BTBD7: variants seen among roughly 807,000 people sequenced by gnomAD.
The protein encoded by BTBD7 is BTB/POZ domain-containing protein 7.
In BTBD7, 38 loss-of-function variants were observed where a neutral mutation model predicts 99.9. That is an observed-to-expected ratio of 0.38 (90% CI 0.29 to 0.50). The LOEUF is 0.50. BTBD7 is among the 20% of genes least tolerant of loss of function. BTBD7 has a pLI of 0.93. For synonymous variants in BTBD7, 520 were observed against 511.4 expected (o/e 1.02, Z -0.23); for missense variants, 1,170 against 1,394.6 (o/e 0.84, Z 2.57).
chr14:93,304,674 T>C (rs12885232), intron 1 of BTBD7, among the ~76,000 whole-genome samples: 25,300 of 152,172 alleles, frequency 0.17, 2,351 homozygotes, highest in East Asian at 0.31. Context: ...TAAAGAGGAC[T>C]TGCAGAGAGA....
intron 1 of BTBD7, among the ~76,000 whole-genome samples, chr14:93,311,753 T>G (rs945998322): frequency 6.6e-6 from 1 of 151,794 alleles, no homozygotes; most frequent in Non-Finnish European, 1.5e-5. Context: ...TAATTTTTTT[T>G]TTTTTTTACA....
Position 93,294,134 on chromosome 14 carries a change from T to C in BTBD7, c.886A>G (p.Ile296Val). The C allele has an allele frequency of 6.2e-7, 1 of 1,614,184 alleles. No homozygotes were observed. Residue 296 changes from isoleucine to valine, a missense_variant, in exon 3 of 11, where the codon ATA becomes GTA. Physicochemically the swap from Ile to Val is conservative, Grantham distance 29. Coordinates refer to ENST00000334746, the MANE Select transcript of BTBD7 (RefSeq NM_001002860.4). ...TCTGTGATTTCTTCACCAGTTCGTA[T>C]CCTCCTTTGTAATAAATTTCGAAAA... ...PFFRNLLQRR[I>V]RTGEEITDRT...
rs781110720 is a variant in BTBD7, at chr14:93,294,044, T to C, written c.976A>G (p.Thr326Ala). ...GTATACATACAGTGTAATATCACTG[T>C]TGCATATTTTTTTGGTATAATGGAC... is the stretch of plus-strand genomic sequence containing the variant. ...DESIIPKKYA[T>A]VILHCMYTDV... Residue 326 changes from threonine (T) to alanine (A), a missense_variant, in exon 3 of 11, where the codon ACA becomes GCA. Transcript: ENST00000334746. 1.9e-6 allele frequency: 3 copies of C among 1,613,924 alleles called. No homozygotes were observed. Among genetic ancestry groups the C allele is most frequent in the East Asian group, 2.2e-5 (1 of 44,898 alleles).
At chr14:93,292,959 C>A (rs1023976095) in intron 3 of BTBD7, among the ~76,000 whole-genome samples, 4 of 152,134 alleles carry the variant, frequency 2.6e-5, no homozygotes, top group Non-Finnish European at 4.4e-5. Context: ...TTACCCAAAC[C>A]ATTAATATTT....
chr14:93,254,855 C>T lies in BTBD7; in HGVS notation c.1609-1065G>A, dbSNP rs551344274. On this transcript the variant is annotated intron_variant, in intron 6 of 10. Transcript: ENST00000334746. ...TTAGCAAACCTTTGTTGGGGACTTA[C>T]GATGTGTTAGGCACGGAGTTAAGAG... 7.2e-5 allele frequency among the ~76,000 whole-genome samples: 11 copies of T among 152,278 alleles called. No homozygotes were observed. The East Asian group carries it at 2.1e-3, about 29-fold the overall frequency.
chr14:93,261,526 T>C, intron 5 of BTBD7, 76 bp downstream of exon 5: 1 of 1,108,890 alleles, frequency 9.0e-7, no homozygotes, highest in Non-Finnish European at 1.4e-6. Flanking sequence ...AAGACTGATG[T>C]GCGGCATGCA....
intron 1 of BTBD7, among the ~76,000 whole-genome samples, chr14:93,319,704 T>G (rs2053248433): frequency 6.6e-6 from 1 of 152,114 alleles, no homozygotes; most frequent in Admixed American, 6.5e-5. Flanking sequence ...TTAAGCAAAA[T>G]GAGTAAGCTC....
chr14:93,283,731 T>C lies in BTBD7; in HGVS notation c.1162+10127A>G, dbSNP rs184261014. On this transcript the variant is annotated intron_variant, in intron 3 of 10. Coordinates refer to ENST00000334746, the MANE Select transcript of BTBD7 (RefSeq NM_001002860.4). Reference sequence around the variant, plus strand: ...CATGCCCGGCTGATTTTTGTATTTTTAGTAGAGATGGGGTTTCACTATGTT... The same window carrying C: ...CATGCCCGGCTGATTTTTGTATTTTCAGTAGAGATGGGGTTTCACTATGTT... 1.7e-3 allele frequency among the ~76,000 whole-genome samples: 260 copies of C among 152,314 alleles called. 1 individual carries two copies. Among genetic ancestry groups the C allele is most frequent in the Non-Finnish European group, 2.7e-3 (182 of 68,030 alleles).
rs375048606 is a variant in BTBD7, at chr14:93,242,800, G to C, written c.2872C>G (p.Pro958Ala). 27 of 1,614,098 alleles carry C rather than the reference G, an allele frequency of 1.7e-5. No individual in the cohort carries two copies. Among genetic ancestry groups the C allele is most frequent in the Admixed American group, 6.7e-5 (4 of 60,012 alleles). Reference sequence around the variant, plus strand: ...GAAGGGGTGCGTCTGCTGAGAGCAGGAGTAGAAGGTCTGCAAGCAGCATTT... The same window carrying C: ...GAAGGGGTGCGTCTGCTGAGAGCAGCAGTAGAAGGTCTGCAAGCAGCATTT... The part of the protein sequence containing the change: ...FSNAACRPST[P>A]ALSRRTPSPS... The change falls in exon 11 of 11, where the codon CCT becomes GCT. Residue 958 changes from proline to alanine, a missense_variant. Transcript: ENST00000334746.
chr14:93,269,025 C>A (rs1163642277), intron 3 of BTBD7, among the ~76,000 whole-genome samples: 1 of 152,148 alleles, frequency 6.6e-6, no homozygotes, highest in African/African-American at 2.4e-5. Flanking sequence ...ACCCAAAGTG[C>A]TAGGATTACA....
intron 1 of BTBD7, among the ~76,000 whole-genome samples, chr14:93,311,738 A>AT (rs968938604): frequency 1.5e-5 from 2 of 132,978 alleles, no homozygotes; most frequent in African/African-American, 6.2e-5. Flanking sequence ...CCATGAAAAT[A>AT]TTTTTAATTT....
chr14:93,323,049 T>C (rs1299110230), intron 1 of BTBD7, among the ~76,000 whole-genome samples: 2 of 152,032 alleles, frequency 1.3e-5, no homozygotes, highest in African/African-American at 4.8e-5. Flanking sequence ...CTTGAGCCTA[T>C]GAGTTTGAGG....
chr14:93,267,592 C>G (rs2052555928), intron 3 of BTBD7, among the ~76,000 whole-genome samples: 1 of 152,206 alleles, frequency 6.6e-6, no homozygotes, highest in Admixed American at 6.5e-5. Context: ...GAGCTGACTC[C>G]CAGTCACACC....
At position 93,242,359 on chromosome 14, in the gene BTBD7, T is replaced by C. The variant is rs1440567327; in HGVS notation, c.3313A>G (p.Thr1105Ala). The C allele has an allele frequency of 6.2e-7, 1 of 1,614,078 alleles. No individual in the cohort carries two copies. Among genetic ancestry groups the C allele is most frequent in the African/African-American group, 1.3e-5 (1 of 74,932 alleles). Residue 1105 changes from threonine (T) to alanine (A), a missense_variant, in exon 11 of 11, where the codon ACA becomes GCA. Transcript: ENST00000334746. ...ATTGAATCTTCCCTTTCCAAATCTG[T>C]ATTTCTCTGAGCTCCATGGCCCAGG... is the stretch of plus-strand genomic sequence containing the variant. ...ESLGHGAQRN[T>A]DLEREDSISR...
rs1468277561 is a variant in BTBD7 at position 93,300,788 on chromosome 14, T to A, written c.-106-4631A>T. Among the ~76,000 whole-genome samples the A allele has an allele frequency of 3.4e-3, 422 of 125,782 alleles. 21 individuals are homozygous for A. The highest frequency in any genetic ancestry group is 0.013 in the East Asian group (50 of 3,946). 82.5% of individuals were successfully genotyped at this position (125,782 alleles called of 152,430 possible). Reference sequence around the variant, plus strand: ...TGTGTGTGTGTATATATATATATATTTTTTTTTTGTAGAGATAGGGTTTTG... The same window carrying A: ...TGTGTGTGTGTATATATATATATATATTTTTTTTGTAGAGATAGGGTTTTG... On this transcript the variant is annotated intron_variant, in intron 1 of 10. Coordinates refer to ENST00000334746, the MANE Select transcript of BTBD7 (RefSeq NM_001002860.4).
intron 3 of BTBD7, among the ~76,000 whole-genome samples, chr14:93,273,990 A>G (rs2052628311): frequency 1.3e-5 from 2 of 152,190 alleles, no homozygotes; most frequent in African/African-American, 4.8e-5. Context: ...TCACTGCAGC[A>G]TCTTCTGGTG....
chr14:93,238,231 T>C lies in BTBD7; in HGVS notation c.*4042A>G, dbSNP rs1006423350. The C allele has an allele frequency of 1.6e-4, 24 of 152,522 alleles. No individual in the cohort carries two copies. Among genetic ancestry groups the C allele is most frequent in the East Asian group, 1.2e-3 (6 of 5,184 alleles). The allele number at this position is 152,522 out of a possible 1,614,324, so 9.4% of individuals were successfully genotyped here. A position where few individuals can be genotyped will look rare whatever the true frequency, so the allele number is the denominator to read the frequency against. Reference sequence around the variant, plus strand: ...ATTATAATATTCAAAATATGGAAGATTGACAGTCTGAGGATTTTCTAGAGG... The same window carrying C: ...ATTATAATATTCAAAATATGGAAGACTGACAGTCTGAGGATTTTCTAGAGG... On this transcript the variant is annotated 3_prime_UTR_variant, in exon 11 of 11. Coordinates refer to ENST00000334746, the MANE Select transcript of BTBD7 (RefSeq NM_001002860.4).
At position 93,261,038 on chromosome 14, in the gene BTBD7, G is replaced by T. The variant is rs575999598; in HGVS notation, c.1447+564C>A. Among the ~76,000 whole-genome samples the T allele has an allele frequency of 5.3e-5, 8 of 151,852 alleles. No homozygotes were observed. In the South Asian group the frequency reaches 1.7e-3, roughly 32 times the overall value. Reference sequence around the variant, plus strand: ...CCCGAGTAGCTGGGAGTACAGGCGCGTGCCACGACTTCCCACTAATTTTTG... The same window carrying T: ...CCCGAGTAGCTGGGAGTACAGGCGCTTGCCACGACTTCCCACTAATTTTTG... On this transcript the variant is annotated intron_variant, in intron 5 of 10. Transcript: ENST00000334746.
intron 8 of BTBD7, among the ~76,000 whole-genome samples, 189 bp downstream of exon 8, chr14:93,251,274 T>C (rs914788714): frequency 1.3e-4 from 20 of 152,172 alleles, no homozygotes; most frequent in African/African-American, 4.8e-4. Context: ...CTGTATACAC[T>C]TAGTAATACA....
Sources: allele counts gnomAD v4.1 joint callset (sites outside exome capture counted in the v4.1 genomes callset), GRCh38; gene constraint gnomAD v4.1.1; transcripts MANE v1.5; gene names NCBI Gene and HGNC (gene_info 2026-07-23, HGNC 2026-07-21).